Variants in LIPJ observed in about 807,000 individuals in gnomAD.
LIPJ encodes the protein lipase family member J.
LIPJ carries 33 observed loss-of-function variants against 39.8 expected under a neutral mutation model. The ratio of observed to expected loss-of-function variants is 0.83; its 90% CI spans 0.63 to 1.11. LIPJ has a LOEUF of 1.11. LIPJ is among the 50% of genes least tolerant of loss of function. LIPJ has a pLI of 0.00. For missense variants in LIPJ, 422 were observed against 427.9 expected (o/e 0.99, Z 0.12); for synonymous variants, 128 against 139.2 (o/e 0.92, Z 0.57).
At chr10:88,586,242 C>A (rs1459690737), upstream of LIPJ, among the ~76,000 whole-genome samples, 1 of 152,144 alleles carries the variant, frequency 6.6e-6, no homozygotes, top group Admixed American at 6.5e-5. Context: ...CCCCAACCTC[C>A]ATGGGTTACA....
chr10:88,589,534 G>A lies in LIPJ; in HGVS notation c.-103-1051G>A, dbSNP rs187346058. 2.4e-3 allele frequency among the ~76,000 whole-genome samples: 369 copies of A among 151,886 alleles called. 1 individual carries two copies. The highest frequency in any genetic ancestry group is 6.6e-3 in the African/African-American group (275 of 41,512). On this transcript the variant is annotated intron_variant, in intron 2 of 10. Coordinates refer to ENST00000371939, the Ensembl canonical transcript of LIPJ. ...ACCAAAGGAAAGAAGTGCAGCTTCT[G>A]TAAATTAAAGTTTTCAGTTAGAAAG...
At chr10:88,593,724 G>T in intron 4 of LIPJ, 1 of 411,684 alleles carries the variant, frequency 2.4e-6, no homozygotes, top group Non-Finnish European at 4.3e-6. Flanking sequence ...AGTGTGATGT[G>T]ACCTAATTGC....
intron 8 of LIPJ, among the ~76,000 whole-genome samples, 159 bp from the exon 9 acceptor site, chr10:88,602,417 A>C (rs1055230527): frequency 6.6e-6 from 1 of 152,036 alleles, no homozygotes; most frequent in Non-Finnish European, 1.5e-5. Flanking sequence ...CAATTGAATA[A>C]GTATATTTAA....
upstream of LIPJ, chr10:88,583,686 A>G (rs1014014055): frequency 1.0e-6 from 1 of 987,156 alleles, no homozygotes; most frequent in Non-Finnish European, 1.2e-6. Context: ...AACGGCCACT[A>G]TTAGCATAAT....
rs1380606565 is a variant in LIPJ at position 88,588,955 on chromosome 10, A to C, written c.-104+1563A>C. Among the ~76,000 whole-genome samples the C allele has an allele frequency of 5.3e-5, 8 of 151,992 alleles. No individual in the cohort carries two copies. In the East Asian group the frequency reaches 1.5e-3, roughly 29 times the overall value. ...TACCACAACTATATATCAAAGGCTT[A>C]TCCCTCTGTGTTTTCTTTGTATAAA... On this transcript the variant is annotated intron_variant, in intron 2 of 10. Transcript: ENST00000371939.
downstream of LIPJ, among the ~76,000 whole-genome samples, chr10:88,607,347 AG>A (rs1851696566): frequency 2.0e-5 from 3 of 152,180 alleles, no homozygotes; most frequent in African/African-American, 7.2e-5. Flanking sequence ...TGGGGAGAAA[AG>A]AAAAAGAAGG....
intron 10 of LIPJ, 26 bp downstream of exon 10, chr10:88,605,730 C>G (rs746910306): frequency 1.3e-6 from 2 of 1,484,534 alleles, no homozygotes; most frequent in Admixed American, 3.4e-5. Flanking sequence ...TAAAAACTCT[C>G]TACCTTACTG....
At chr10:88,607,487 G>T (rs1851698604), downstream of LIPJ, among the ~76,000 whole-genome samples, 3 of 152,138 alleles carry the variant, frequency 2.0e-5, no homozygotes, top group Admixed American at 2.0e-4. Context: ...TTGAGAAGAG[G>T]GAAGTTGCCT....
At chr10:88,587,556 TTTTG>T (rs1850950631) in intron 2 of LIPJ, among the ~76,000 whole-genome samples, 164 bp downstream of exon 2, 2 of 152,254 alleles carry the variant, frequency 1.3e-5, no homozygotes, top group African/African-American at 2.4e-5. Flanking sequence ...TATCTTCATA[TTTTG>T]TTTAAGTACT....
downstream of LIPJ, among the ~76,000 whole-genome samples, chr10:88,611,586 G>T (rs758560233): frequency 2.6e-5 from 4 of 152,152 alleles, no homozygotes; most frequent in Non-Finnish European, 4.4e-5. Context: ...ACCACTTCTG[G>T]AAATCAAGGA....
chr10:88,594,620 TA>T, intron 5 of LIPJ, 46 bp from the exon 6 acceptor site: 1 of 889,506 alleles, frequency 1.1e-6, no homozygotes. Flanking sequence ...AATACTAACA[TA>T]ACATTAGTAG....
chr10:88,583,158 C>A (rs998435436), upstream of LIPJ: 6 of 1,614,034 alleles, frequency 3.7e-6, no homozygotes, highest in Non-Finnish European at 4.2e-6. Context: ...AGCTTCCTGT[C>A]ATCCCGGCGC....
the LIPJ span, among the ~76,000 whole-genome samples, chr10:88,617,189 G>A: frequency 6.6e-6 from 1 of 152,166 alleles, no homozygotes; most frequent in Non-Finnish European, 1.5e-5. Flanking sequence ...GCCCGGCTGA[G>A]CCATGACAGA....
chr10:88,614,568 TGAG>T, the LIPJ span, among the ~76,000 whole-genome samples: 4 of 152,084 alleles, frequency 2.6e-5, no homozygotes, highest in East Asian at 3.9e-4. Context: ...AATCAAACTG[TGAG>T]GAGAACTATA....
chr10:88,601,090 C>T (rs558222434), intron 8 of LIPJ, among the ~76,000 whole-genome samples: 134 of 151,866 alleles, frequency 8.8e-4, no homozygotes, highest in Non-Finnish European at 1.3e-3. Flanking sequence ...CTCAGACTAC[C>T]GACACACGCC....
intron 10 of LIPJ, 29 bp from the exon 11 acceptor site, chr10:88,606,645 A>C: frequency 7.2e-7 from 1 of 1,391,758 alleles, no homozygotes; most frequent in Non-Finnish European, 1.0e-6. Context: ...TCTCCTATGA[A>C]AACTATTTTT....
chr10:88,598,941 T>G (rs1465699784), intron 8 of LIPJ, among the ~76,000 whole-genome samples: 2 of 124,342 alleles, frequency 1.6e-5, no homozygotes, highest in African/African-American at 6.4e-5. Flanking sequence ...ATATAATATT[T>G]TATATTGTAT....
intron 7 of LIPJ, 98 bp from the exon 8 acceptor site, chr10:88,596,692 G>A: frequency 8.7e-7 from 1 of 1,144,152 alleles, no homozygotes; most frequent in Non-Finnish European, 1.3e-6. Flanking sequence ...ACTACTGTGA[G>A]ATAATTTATT....
chr10:88,602,973 TTCCAG>T (rs1851546502), intron 9 of LIPJ, among the ~76,000 whole-genome samples: 1 of 152,138 alleles, frequency 6.6e-6, no homozygotes, highest in Non-Finnish European at 1.5e-5. Flanking sequence ...ATGCCTGTAA[TTCCAG>T]TTACTTGGGA....
Sources: allele counts gnomAD v4.1 joint callset (sites outside exome capture counted in the v4.1 genomes callset), GRCh38; gene constraint gnomAD v4.1.1; transcripts MANE v1.5; gene names NCBI Gene and HGNC (gene_info 2026-07-23, HGNC 2026-07-21).